The following MBP variants were observed in gnomAD, a reference collection of about 807,000 sequenced individuals.
MBP encodes the protein myelin basic protein.
A neutral mutation model predicts 35.8 loss-of-function variants in MBP; 16 were observed. That is an observed-to-expected ratio of 0.45 (90% CI 0.30 to 0.68). The LOEUF is 0.68. Among genes scored for constraint, MBP ranks in the 30% least tolerant of loss-of-function variants. The pLI is 0.08. For missense variants in MBP, 380 were observed against 404.7 expected, an observed-to-expected ratio of 0.94 and a Z score of 0.52; for synonymous variants, 143 against 159.6, an observed-to-expected ratio of 0.90 and a Z score of 0.78.
At chr18:77,104,903 C>T (rs116254336) in intron 2 of MBP, among the ~76,000 whole-genome samples, 1,730 of 152,130 alleles carry the variant, frequency 0.011, 21 homozygotes, top group African/African-American at 0.039. Flanking sequence ...TCTTCTTCTC[C>T]GTGTCTCTTT....
At chr18:77,129,654 G>T (rs1179674324) in intron 1 of MBP, among the ~76,000 whole-genome samples, 1 of 152,146 alleles carries the variant, frequency 6.6e-6, no homozygotes, top group Non-Finnish European at 1.5e-5. Context: ...CCCTTAAACA[G>T]CTCCAGAGCT....
chr18:77,096,421 C>A (rs1439621516), intron 2 of MBP, among the ~76,000 whole-genome samples: 1 of 151,988 alleles, frequency 6.6e-6, no homozygotes. Context: ...AGAGCGTATG[C>A]CTCATTCCTC....
chr18:77,104,313 G>A (rs910305200), intron 2 of MBP, among the ~76,000 whole-genome samples: 3 of 152,224 alleles, frequency 2.0e-5, no homozygotes, highest in African/African-American at 7.2e-5. Context: ...ATCTAAGGAG[G>A]GCAAAGACCC....
chr18:76,985,007 C>G (rs1969461930), intron 7 of MBP, 113 bp from the exon 8 acceptor site: 1 of 1,544,052 alleles, frequency 6.5e-7, no homozygotes, highest in Admixed American at 1.8e-5. Context: ...CCGGACTGGA[C>G]TGGTGAGTGG....
At chr18:77,060,033 C>T (rs910831061) in intron 3 of MBP, among the ~76,000 whole-genome samples, 2 of 152,120 alleles carry the variant, frequency 1.3e-5, no homozygotes, top group African/African-American at 2.4e-5. Context: ...ATGGGCTGGG[C>T]GTGGTGGCTC....
intron 4 of MBP, among the ~76,000 whole-genome samples, chr18:77,008,652 C>A (rs1315103197): frequency 6.6e-6 from 1 of 152,208 alleles, no homozygotes; most frequent in Non-Finnish European, 1.5e-5. Flanking sequence ...TCCCCCAGGG[C>A]CCTTCTGCCC....
intron 4 of MBP, among the ~76,000 whole-genome samples, chr18:76,996,176 C>A (rs57209787): frequency 6.6e-6 from 1 of 152,090 alleles, no homozygotes; most frequent in Non-Finnish European, 1.5e-5. Context: ...TAAAAAATGC[C>A]AACATTCCCA....
At chr18:76,987,966 A>G (rs914163996) in intron 7 of MBP, 26 of 1,187,086 alleles carry the variant, frequency 2.2e-5, no homozygotes, top group Admixed American at 4.2e-5. Context: ...TGTTTTAATT[A>G]TTATTTAAAC....
chr18:77,117,126 T>C (rs1976695356), intron 1 of MBP, among the ~76,000 whole-genome samples: 1 of 152,204 alleles, frequency 6.6e-6, no homozygotes, highest in South Asian at 2.1e-4. Flanking sequence ...ACTCAAAATA[T>C]AGTAACAACT....
chr18:77,047,384 T>A (rs1261345065), intron 3 of MBP, among the ~76,000 whole-genome samples: 1 of 152,232 alleles, frequency 6.6e-6, no homozygotes, highest in African/African-American at 2.4e-5. Context: ...AAGCCAGCCA[T>A]AAAACACCAC....
At chr18:76,991,463 A>T in intron 4 of MBP, among the ~76,000 whole-genome samples, 1 of 152,218 alleles carries the variant, frequency 6.6e-6, no homozygotes, top group Middle Eastern at 3.2e-3. Context: ...CGGCTTTTGC[A>T]GACTTCATGC....
Position 76,979,786 on chromosome 18 carries a change from G to A in MBP, c.*641C>T. The A allele has an allele frequency of 1.7e-6, 1 of 594,552 alleles. No homozygotes were observed. Among genetic ancestry groups the A allele is most frequent in the Non-Finnish European group, 3.0e-6 (1 of 334,390 alleles). 36.8% of individuals were successfully genotyped at this position (594,552 alleles called of 1,614,324 possible). On this transcript the variant is annotated 3_prime_UTR_variant, in exon 9 of 9. Coordinates refer to ENST00000355994, the MANE Select transcript of MBP (RefSeq NM_001025101.2). ...CGAATTCAGCTAATTGGGGTGTGTG[G>A]GCAGCCACGGCCTGGGGAGGTGGCC...
chr18:77,016,679 C>T (rs564149360), intron 4 of MBP, 153 bp downstream of exon 4: 266 of 1,443,814 alleles, frequency 1.8e-4, no homozygotes, highest in Admixed American at 9.1e-4. Context: ...CAGGCCCACA[C>T]TCTTGGGCTC....
At chr18:77,122,558 T>C (rs985139707) in intron 1 of MBP, among the ~76,000 whole-genome samples, 3 of 152,242 alleles carry the variant, frequency 2.0e-5, no homozygotes, top group Non-Finnish European at 4.4e-5. Context: ...TTAAATTTTT[T>C]ATGAGACAGA....
At chr18:77,082,467 G>A (rs1974990918) in intron 2 of MBP, among the ~76,000 whole-genome samples, 1 of 152,334 alleles carries the variant, frequency 6.6e-6, no homozygotes, top group Non-Finnish European at 1.5e-5. Context: ...GTCGGGTGGG[G>A]TTGGGCAGTG....
At chr18:77,024,042 C>T (rs1288638518) in intron 3 of MBP, among the ~76,000 whole-genome samples, 20 of 152,218 alleles carry the variant, frequency 1.3e-4, no homozygotes, top group Non-Finnish European at 1.5e-5. Context: ...CCAAACCCCC[C>T]ACTCTTCTTT....
chr18:77,117,661 A>T (rs1976710962), intron 1 of MBP, among the ~76,000 whole-genome samples: 1 of 150,212 alleles, frequency 6.7e-6, no homozygotes, highest in Non-Finnish European at 1.5e-5. Context: ...TGGATGGGTT[A>T]TTTCCTAGTT....
intron 2 of MBP, among the ~76,000 whole-genome samples, chr18:77,091,563 A>G (rs2145026085): frequency 6.6e-6 from 1 of 151,506 alleles, no homozygotes; most frequent in South Asian, 2.1e-4. Context: ...CTCGCCACGG[A>G]TGACGTCTGC....
intron 3 of MBP, among the ~76,000 whole-genome samples, chr18:77,041,876 T>C (rs1973016944): frequency 6.6e-6 from 1 of 151,040 alleles, no homozygotes; most frequent in Non-Finnish European, 1.5e-5. Flanking sequence ...CATGTATACA[T>C]ATGTAACAAA....
Sources: allele counts gnomAD v4.1 joint callset (sites outside exome capture counted in the v4.1 genomes callset), GRCh38; gene constraint gnomAD v4.1.1; transcripts MANE v1.5; gene names NCBI Gene and HGNC (gene_info 2026-07-23, HGNC 2026-07-21).